The following KAT14 variants were observed in gnomAD, a reference collection of about 807,000 sequenced individuals.
KAT14 encodes cysteine-rich protein 2-binding protein.
A neutral mutation model predicts 78.4 loss-of-function variants in KAT14; 66 were observed. That is an observed-to-expected ratio of 0.84 (90% CI 0.69 to 1.03). The LOEUF (loss-of-function observed/expected upper bound fraction) is 1.03, where lower values mean the gene tolerates loss of function less well. Among genes scored for constraint, KAT14 ranks in the 50% least tolerant of loss-of-function variants. KAT14 has a pLI of 0.00. For missense variants in KAT14, 870 were observed against 972.5 expected, an observed-to-expected ratio of 0.89 and a Z score of 1.40; for synonymous variants, 344 against 359.4, an observed-to-expected ratio of 0.96 and a Z score of 0.48.
chr20:18,182,033 G>A (rs989604871), intron 8 of KAT14, among the ~76,000 whole-genome samples, 187 bp downstream of exon 8: 6 of 152,082 alleles, frequency 3.9e-5, no homozygotes, highest in Non-Finnish European at 4.4e-5. Flanking sequence ...TTTTTGCAGA[G>A]AACATGGTCC....
chr20:18,167,552 A>G (rs1354795253), intron 7 of KAT14, among the ~76,000 whole-genome samples: 3 of 152,182 alleles, frequency 2.0e-5, no homozygotes, highest in Non-Finnish European at 4.4e-5. Flanking sequence ...AAGTTTCTCA[A>G]TAAGTGCTGC....
intron 4 of KAT14, among the ~76,000 whole-genome samples, chr20:18,151,744 C>G (rs1041691834): frequency 5.9e-5 from 9 of 151,698 alleles, no homozygotes; most frequent in Non-Finnish European, 1.2e-4. Context: ...TGGCTCATGC[C>G]TGTAATCCCA....
chr20:18,151,514 C>G (rs1343419745), intron 4 of KAT14, among the ~76,000 whole-genome samples: 1 of 151,250 alleles, frequency 6.6e-6, no homozygotes, highest in Non-Finnish European at 1.5e-5. Flanking sequence ...TTTGTAGAGA[C>G]AGGGGTCTCG....
At chr20:18,139,154 C>G (rs1308618972) in intron 1 of KAT14, among the ~76,000 whole-genome samples, 2 of 152,082 alleles carry the variant, frequency 1.3e-5, no homozygotes, top group South Asian at 4.2e-4. Flanking sequence ...TGTGATGGTA[C>G]AAGAATTTTG....
chr20:18,143,096 G>C, intron 2 of KAT14, 177 bp downstream of exon 2: 1 of 1,391,982 alleles, frequency 7.2e-7, no homozygotes, highest in Non-Finnish European at 9.3e-7. Context: ...CTAATGAAAC[G>C]TACTGTCAAC....
intron 7 of KAT14, among the ~76,000 whole-genome samples, chr20:18,175,380 C>T (rs546454007): frequency 1.4e-4 from 22 of 152,258 alleles, no homozygotes; most frequent in Non-Finnish European, 3.1e-4. Flanking sequence ...AGCGATCTAC[C>T]TCTCCCAGAG....
At chr20:18,180,060 G>T (rs963266493) in intron 7 of KAT14, among the ~76,000 whole-genome samples, 12 of 152,014 alleles carry the variant, frequency 7.9e-5, no homozygotes, top group African/African-American at 2.9e-4. Context: ...GTAGAGACAG[G>T]GTTTCACCAT....
At chr20:18,184,463 C>G in intron 9 of KAT14, 139 bp from the exon 10 acceptor site, 1 of 783,038 alleles carries the variant, frequency 1.3e-6, no homozygotes, top group South Asian at 2.0e-5. Context: ...TGTGTGGTCT[C>G]TATGTTACCT....
intron 3 of KAT14, among the ~76,000 whole-genome samples, chr20:18,148,296 T>C (rs905429888): frequency 6.6e-6 from 1 of 152,236 alleles, no homozygotes; most frequent in Non-Finnish European, 1.5e-5. Flanking sequence ...CCACACTCCC[T>C]TTCTGTGTCC....
At chr20:18,185,011 GT>G (rs1303965351) in intron 10 of KAT14, among the ~76,000 whole-genome samples, 1 of 152,030 alleles carries the variant, frequency 6.6e-6, no homozygotes, top group East Asian at 1.9e-4. Context: ...TCAGACTCAG[GT>G]TTCATAGAAA....
At chr20:18,160,006 T>C (rs1207024491) in intron 5 of KAT14, among the ~76,000 whole-genome samples, 1 of 152,214 alleles carries the variant, frequency 6.6e-6, no homozygotes, top group African/African-American at 2.4e-5. Context: ...CTCTGCCTCC[T>C]AGGTTCAAAT....
intron 10 of KAT14, among the ~76,000 whole-genome samples, chr20:18,185,065 AAAGCAAGAGCTTTAGGGTGG>A (rs2039410390): frequency 1.3e-5 from 2 of 152,230 alleles, no homozygotes; most frequent in Non-Finnish European, 1.5e-5. Context: ...GAAAATACCA[AAAGCAAGAGCTTTAGGGTGG>A]ACTATTCATA....
At chr20:18,170,679 C>T (rs982300665) in intron 7 of KAT14, among the ~76,000 whole-genome samples, 3 of 152,148 alleles carry the variant, frequency 2.0e-5, no homozygotes, top group East Asian at 1.9e-4. Context: ...GGACTACAGG[C>T]GTCCGCCACC....
chr20:18,184,835 C>CCCCTGAACAA (rs2039402529), intron 10 of KAT14, 43 bp downstream of exon 10: 2 of 1,552,788 alleles, frequency 1.3e-6, no homozygotes, highest in South Asian at 2.5e-5. Context: ...TGTCTGGGCT[C>CCCCTGAACAA]CCCTGAACAA....
chr20:18,182,321 C>T (rs1170507932), intron 8 of KAT14, among the ~76,000 whole-genome samples: 3 of 152,062 alleles, frequency 2.0e-5, no homozygotes, highest in Non-Finnish European at 2.9e-5. Context: ...AGGGTTTCAC[C>T]GTGTTGGCCA....
In KAT14 at chr20:18,187,640, A is replaced by G. The variant is rs1281848063; in HGVS notation, c.*181A>G. ...AATGAGCAGTGAGCAGCCCTTTAGC[A>G]AAATCGCCCTCCAGTCCTTCCTGGA... On this transcript the variant is annotated 3_prime_UTR_variant, in exon 11 of 11. Transcript: ENST00000688188. The G allele has an allele frequency of 3.2e-6, 3 of 940,992 alleles. No individual in the cohort carries two copies. The highest frequency in any genetic ancestry group is 4.5e-6 in the Non-Finnish European group (3 of 664,118). 58.3% of individuals were successfully genotyped at this position (940,992 alleles called of 1,614,324 possible).
intron 1 of KAT14, chr20:18,138,258 C>T (rs2037376278): frequency 8.1e-7 from 1 of 1,234,512 alleles, no homozygotes; most frequent in East Asian, 3.3e-5. Context: ...GCGTGTGCAG[C>T]CCGCAGATTC....
In KAT14 at chr20:18,181,787, G is replaced by A. The variant is rs771667388; in HGVS notation, c.1746G>A (p.Met582Ile). ...ATCGCTTGGTAGGATCAGAAGATAT[G>A]GCTGTGGACCAGAGTATTGTCAGCC... ...FLYRLVGSED[M>I]AVDQSIVSPY... The change falls in exon 8 of 11, where the codon ATG becomes ATA. Residue 582 changes from methionine (M) to isoleucine (I), a missense_variant. Transcript: ENST00000688188. 1 of 1,614,170 alleles carries A rather than the reference G, an allele frequency of 6.2e-7. No individual in the cohort carries two copies. Among genetic ancestry groups the A allele is most frequent in the South Asian group, 1.1e-5 (1 of 91,080 alleles).
At chr20:18,141,146 G>C (rs1219234107) in intron 1 of KAT14, among the ~76,000 whole-genome samples, 1 of 149,456 alleles carries the variant, frequency 6.7e-6, no homozygotes, top group Non-Finnish European at 1.5e-5. Context: ...AAGATTACAG[G>C]AGTGCTGGGA....
Sources: allele counts gnomAD v4.1 joint callset (sites outside exome capture counted in the v4.1 genomes callset), GRCh38; gene constraint gnomAD v4.1.1; transcripts MANE v1.5; gene names NCBI Gene and HGNC (gene_info 2026-07-23, HGNC 2026-07-21).